ILDR2: variants seen among roughly 807,000 people sequenced by gnomAD.
The protein encoded by ILDR2 is immunoglobulin-like domain-containing receptor 2.
In ILDR2, 25 loss-of-function variants were observed where a neutral mutation model predicts 66.8. The ratio of observed to expected loss-of-function variants is 0.37; its 90% CI spans 0.27 to 0.52. The LOEUF is 0.52. ILDR2 is among the 20% of genes least tolerant of loss of function. The pLI is 0.88. For synonymous variants in ILDR2, 367 were observed against 357.2 expected, an observed-to-expected ratio of 1.03 and a Z score of -0.31; for missense variants, 827 against 876.8, an observed-to-expected ratio of 0.94 and a Z score of 0.72.
chr1:166,966,866 A>G (rs188788803), intron 1 of ILDR2, among the ~76,000 whole-genome samples: 2 of 152,334 alleles, frequency 1.3e-5, no homozygotes, highest in Admixed American at 1.3e-4. Flanking sequence ...CTCCTCTAAC[A>G]AAGCTCTTAT....
intron 3 of ILDR2, among the ~76,000 whole-genome samples, chr1:166,941,775 A>G (rs1379707454): frequency 6.6e-6 from 1 of 152,224 alleles, no homozygotes; most frequent in African/African-American, 2.4e-5. Context: ...AAGATTACCA[A>G]TGTTTTAAAC....
At chr1:166,927,237 G>T in intron 6 of ILDR2, 57 bp from the exon 7 acceptor site, 1 of 1,095,854 alleles carries the variant, frequency 9.1e-7, no homozygotes, top group Non-Finnish European at 1.4e-6. Flanking sequence ...GGAGAAGGAG[G>T]CCTCCATTTA....
At chr1:166,939,606 G>T in intron 3 of ILDR2, 36 bp from the exon 4 acceptor site, 2 of 1,595,092 alleles carry the variant, frequency 1.3e-6, no homozygotes, top group Non-Finnish European at 1.7e-6. Context: ...AAGGAAAGTG[G>T]TTATTCCAAG....
chr1:166,923,952 G>A (rs1352187653), intron 7 of ILDR2, among the ~76,000 whole-genome samples: 1 of 152,116 alleles, frequency 6.6e-6, no homozygotes, highest in Non-Finnish European at 1.5e-5. Flanking sequence ...TGAGTGAGAG[G>A]TGGGCCAAGA....
intron 9 of ILDR2, among the ~76,000 whole-genome samples, chr1:166,920,307 C>A (rs1490943210): frequency 6.6e-6 from 1 of 152,136 alleles, no homozygotes; most frequent in Non-Finnish European, 1.5e-5. Context: ...GAGGAATGCA[C>A]ATAGAAGGAT....
chr1:166,925,885 A>T (rs1198136862), intron 7 of ILDR2, among the ~76,000 whole-genome samples: 1 of 152,144 alleles, frequency 6.6e-6, no homozygotes, highest in Non-Finnish European at 1.5e-5. Context: ...TGAGATTCGC[A>T]AATTTCCTGC....
intron 3 of ILDR2, among the ~76,000 whole-genome samples, chr1:166,944,365 C>T (rs1351920194): frequency 6.6e-6 from 1 of 152,158 alleles, no homozygotes; most frequent in Non-Finnish European, 1.5e-5. Flanking sequence ...AAGATGTGTT[C>T]CCTTGAGACA....
At chr1:166,919,691 G>T (rs1035604004) in intron 9 of ILDR2, among the ~76,000 whole-genome samples, 2 of 152,150 alleles carry the variant, frequency 1.3e-5, no homozygotes, top group Non-Finnish European at 2.9e-5. Flanking sequence ...ACCTGAAATC[G>T]CCTGAAAGTT....
chr1:166,911,513 T>C lies in ILDR2; in HGVS notation c.*7842A>G, dbSNP rs1659472937. The C allele has an allele frequency of 6.6e-6, 1 of 151,744 alleles. No homozygotes were observed. Among genetic ancestry groups the C allele is most frequent in the South Asian group, 2.1e-4 (1 of 4,802 alleles). 9.4% of individuals were successfully genotyped at this position (151,744 alleles called of 1,614,324 possible). On this transcript the variant is annotated 3_prime_UTR_variant, in exon 10 of 10. Transcript: ENST00000271417. ...TTAAAATAAAAAACTATAAAACCCA[T>C]AAAGAAACAAAAAACTGTGAGTGAA...
At position 166,975,354 on chromosome 1, in the gene ILDR2, G is replaced by T; in HGVS notation, c.-86C>A. 1 of 1,253,920 alleles carries T rather than the reference G, an allele frequency of 8.0e-7. No individual in the cohort carries two copies. Among genetic ancestry groups the T allele is most frequent in the Non-Finnish European group, 1.1e-6 (1 of 920,648 alleles). The allele number at this position is 1,253,920 out of a possible 1,614,324, so 77.7% of individuals were successfully genotyped here. A position where few individuals can be genotyped will look rare whatever the true frequency, so the allele number is the denominator to read the frequency against. On this transcript the variant is annotated 5_prime_UTR_variant, in exon 1 of 10. Coordinates refer to ENST00000271417, the MANE Select transcript of ILDR2 (RefSeq NM_199351.3). The stretch of plus-strand genomic sequence containing the variant: ...GGATCGCTGTCACCCCGCGGCAGCG[G>T]GCGGCGGCGGAGCGGCGGGCACCGG...
At chr1:166,924,252 T>A (rs1174209717) in intron 7 of ILDR2, among the ~76,000 whole-genome samples, 1 of 152,210 alleles carries the variant, frequency 6.6e-6, no homozygotes, top group Non-Finnish European at 1.5e-5. Flanking sequence ...ATTAATAAAA[T>A]CTAGAACTTT....
chr1:166,901,649 C>A (rs1353154060), intron 2 of ILDR2, among the ~76,000 whole-genome samples: 2 of 152,210 alleles, frequency 1.3e-5, no homozygotes, highest in Non-Finnish European at 2.9e-5. Context: ...GTTTTAGAAT[C>A]TTCTGTGATC....
At position 166,916,692 on chromosome 1, in the gene ILDR2, CTGAA is replaced by C. The variant is rs1659657491; in HGVS notation, c.*2659_*2662del. On this transcript the variant is annotated 3_prime_UTR_variant, in exon 10 of 10. Transcript: ENST00000271417. The stretch of plus-strand genomic sequence containing the variant: ...TTCTCTCTACTGAAAGCCTGGAAGT[CTGAA>C]TGATTTATCCAGTTCTACAAAGGAC... 6.6e-6 allele frequency: 1 copy of C among 152,256 alleles called. No homozygotes were observed. Among genetic ancestry groups the C allele is most frequent in the African/African-American group, 2.4e-5 (1 of 41,476 alleles). 9.4% of individuals were successfully genotyped at this position (152,256 alleles called of 1,614,324 possible).
intron 3 of ILDR2, among the ~76,000 whole-genome samples, chr1:166,947,442 C>T (rs899773400): frequency 6.6e-6 from 1 of 152,250 alleles, no homozygotes; most frequent in African/African-American, 2.4e-5. Context: ...AAGGGGTTGG[C>T]ATGGGGCCTT....
At chr1:166,906,040 G>C (rs1187093199), downstream of ILDR2, among the ~76,000 whole-genome samples, 1 of 152,290 alleles carries the variant, frequency 6.6e-6, no homozygotes, top group African/African-American at 2.4e-5. Context: ...GAGATCATTT[G>C]TACTGGCTGA....
chr1:166,920,909 C>T lies in ILDR2; in HGVS notation c.1682G>A (p.Arg561His), dbSNP rs1659885102. 1 of 1,476,484 alleles carries T rather than the reference C, an allele frequency of 6.8e-7. No individual in the cohort carries two copies. The highest frequency in any genetic ancestry group is 8.9e-7 in the Non-Finnish European group (1 of 1,119,762). The allele number at this position is 1,476,484 out of a possible 1,614,324, so 91.5% of individuals were successfully genotyped here. ...CGACCAAGCGTAGTAGGAGGCGCTGCGCGGGCCGAGCTGCGCGCTCCGCTT... is the reference window on the plus strand; with the variant it reads ...CGACCAAGCGTAGTAGGAGGCGCTGTGCGGGCCGAGCTGCGCGCTCCGCTT... ...PSKRSAQLGP[R>H]SASYYAWSPP... Residue 561 changes from arginine to histidine, a missense_variant, in exon 9 of 10, where the codon CGC becomes CAC. Physicochemically the swap from Arg to His is conservative, Grantham distance 29. Around this residue, in one of 2 missense-constraint regions of ILDR2, gnomAD observed 390 missense variants for 353.6 expected, o/e 1.10. Coordinates refer to ENST00000271417, the MANE Select transcript of ILDR2 (RefSeq NM_199351.3).
At position 166,921,114 on chromosome 1, in the gene ILDR2, G is replaced by T. The variant is rs1391268763; in HGVS notation, c.1477C>A (p.Arg493Ser). The change falls in exon 9 of 10, where the codon CGC (arginine) becomes AGC (serine). Residue 493 changes from arginine to serine, a missense_variant. Transcript: ENST00000271417. The surrounding 1 kb of genome is among the most constrained non-coding windows in gnomAD (Gnocchi z 5.3). ...CGCGCGGGGCTGAAGGCCCAGCCGC[G>T]GTCAGCATCGGTCAGGGGCTCGCGG... Reference protein sequence around the residue: ...RSREPLTDADRGWAFSPARRR... With the variant: ...RSREPLTDADSGWAFSPARRR... The T allele has an allele frequency of 5.9e-6, 9 of 1,520,404 alleles. No individual in the cohort carries two copies. The Admixed American group carries it at 1.4e-4, about 24-fold the overall frequency. 94.2% of individuals were successfully genotyped at this position (1,520,404 alleles called of 1,614,324 possible).
rs954306623 is a variant in ILDR2, at chr1:166,936,202, A to T, written c.703+389T>A. 1.3e-5 allele frequency among the ~76,000 whole-genome samples: 2 copies of T among 152,148 alleles called. No individual in the cohort carries two copies. Among genetic ancestry groups the T allele is most frequent in the Non-Finnish European group, 2.9e-5 (2 of 68,020 alleles). On this transcript the variant is annotated intron_variant, in intron 5 of 9. Coordinates refer to ENST00000271417, the MANE Select transcript of ILDR2 (RefSeq NM_199351.3). This position sits in a 1 kb window ranked among gnomAD's most constrained non-coding sequence, Gnocchi z 5.0. ...AGGCCACAGTTTGCACACTCTTCTC[A>T]TATAAAAAGGAACTTCTCTGCATGG... is the stretch of plus-strand genomic sequence containing the variant.
At chr1:166,938,407 T>A (rs1259144515) in intron 4 of ILDR2, among the ~76,000 whole-genome samples, 3 of 152,100 alleles carry the variant, frequency 2.0e-5, no homozygotes, top group Non-Finnish European at 4.4e-5. Flanking sequence ...CAGTAACTCT[T>A]TCTTGAGACT....
Sources: gnomAD v4.1 joint callset for allele counts (sites outside exome capture counted in the v4.1 genomes callset) on GRCh38, gnomAD v4.1.1 for gene constraint, gnomAD v4.1.1 regional missense constraint, Gnocchi (gnomAD v3.1) non-coding constraint, MANE v1.5 for transcripts, NCBI Gene and HGNC (gene_info 2026-07-23, HGNC 2026-07-21) for gene names.